Variants in SH3GL3 observed in about 807,000 individuals in gnomAD.
The protein encoded by SH3GL3 is endophilin-A3.
Under a neutral mutation model 47.7 loss-of-function variants are expected in SH3GL3, and 33 were observed. That is an observed-to-expected ratio of 0.69 (90% CI 0.52 to 0.92). SH3GL3 has a LOEUF of 0.92. Ranked by LOEUF, SH3GL3 falls within the 40% of genes least tolerant of loss-of-function variation. The pLI is 0.00. For synonymous variants in SH3GL3, 155 were observed against 148.8 expected, an observed-to-expected ratio of 1.04 and a Z score of -0.30; for missense variants, 363 against 417.8, an observed-to-expected ratio of 0.87 and a Z score of 1.14.
intron 1 of SH3GL3, among the ~76,000 whole-genome samples, chr15:83,496,045 G>C (rs772883417): frequency 6.6e-6 from 1 of 151,924 alleles, no homozygotes; most frequent in Non-Finnish European, 1.5e-5. Flanking sequence ...CATTTGCCTT[G>C]AATTAAATTT....
the SH3GL3 span, among the ~76,000 whole-genome samples, chr15:83,628,357 A>T: frequency 6.6e-6 from 1 of 152,270 alleles, no homozygotes; most frequent in East Asian, 1.9e-4. Context: ...GGGAAAAAGG[A>T]CTATATATAA....
intron 1 of SH3GL3, among the ~76,000 whole-genome samples, chr15:83,459,669 T>C (rs998445725): frequency 6.6e-6 from 1 of 152,250 alleles, no homozygotes; most frequent in Non-Finnish European, 1.5e-5. Context: ...TTTCATGTTA[T>C]ACAGTTTCTG....
At chr15:83,620,563 T>A (rs1391928281), downstream of SH3GL3, among the ~76,000 whole-genome samples, 1 of 152,232 alleles carries the variant, frequency 6.6e-6, no homozygotes, top group East Asian at 1.9e-4. Context: ...GTGAAAGGAA[T>A]CTTTTTCTCT....
At chr15:83,516,417 A>C (rs2042982098) in intron 1 of SH3GL3, among the ~76,000 whole-genome samples, 1 of 152,302 alleles carries the variant, frequency 6.6e-6, no homozygotes, top group Non-Finnish European at 1.5e-5. Flanking sequence ...TAGGTGTATT[A>C]GGCCATTCTT....
intron 2 of SH3GL3, among the ~76,000 whole-genome samples, chr15:83,562,326 C>CT (rs1035558510): frequency 1.3e-5 from 2 of 151,998 alleles, no homozygotes; most frequent in African/African-American, 4.8e-5. Context: ...GTTTCTTGGG[C>CT]TTTTTTGTTT....
chr15:83,521,592 A>G (rs1197022475), intron 1 of SH3GL3, among the ~76,000 whole-genome samples: 1 of 152,214 alleles, frequency 6.6e-6, no homozygotes, highest in Non-Finnish European at 1.5e-5. Context: ...CCACTGTCAC[A>G]ACATAACCAG....
downstream of SH3GL3, among the ~76,000 whole-genome samples, chr15:83,620,635 C>G (rs932456561): frequency 6.6e-6 from 1 of 152,218 alleles, no homozygotes; most frequent in African/African-American, 2.4e-5. Flanking sequence ...AACAGACATA[C>G]TGTCATCCAG....
At chr15:83,530,777 A>G (rs140332289) in intron 1 of SH3GL3, among the ~76,000 whole-genome samples, 10 of 152,206 alleles carry the variant, frequency 6.6e-5, no homozygotes, top group African/African-American at 2.4e-4. Context: ...TCTTCAGTTA[A>G]TCATCATGAT....
At chr15:83,550,198 G>T (rs2044592705) in intron 1 of SH3GL3, among the ~76,000 whole-genome samples, 1 of 152,090 alleles carries the variant, frequency 6.6e-6, no homozygotes, top group African/African-American at 2.4e-5. Context: ...ACTGCCAACT[G>T]GTTGAAAGGA....
chr15:83,555,590 G>A (rs1227048565), intron 1 of SH3GL3, among the ~76,000 whole-genome samples: 1 of 152,136 alleles, frequency 6.6e-6, no homozygotes, highest in Non-Finnish European at 1.5e-5. Context: ...GCTGGAGGGG[G>A]TGGGGATGTG....
chr15:83,630,244 T>C, the SH3GL3 span, among the ~76,000 whole-genome samples: 1 of 152,342 alleles, frequency 6.6e-6, no homozygotes, highest in Non-Finnish European at 1.5e-5. Flanking sequence ...TTTATTAGCA[T>C]GTGAGAATGG....
the SH3GL3 span, among the ~76,000 whole-genome samples, chr15:83,632,861 C>T: frequency 1.3e-5 from 2 of 152,058 alleles, no homozygotes; most frequent in African/African-American, 4.8e-5. Flanking sequence ...ACAGAATTCT[C>T]ATAATAAGCA....
intron 3 of SH3GL3, among the ~76,000 whole-genome samples, chr15:83,567,274 G>C (rs2045594618): frequency 6.6e-6 from 1 of 151,932 alleles, no homozygotes; most frequent in Non-Finnish European, 1.5e-5. Context: ...TACTTTTTAG[G>C]GCATCTTTCC....
intron 8 of SH3GL3, among the ~76,000 whole-genome samples, chr15:83,597,487 T>TAC (rs1307992198): frequency 6.6e-6 from 1 of 152,198 alleles, no homozygotes; most frequent in African/African-American, 2.4e-5. Context: ...CCTACCATGA[T>TAC]AGTGTTCAAA....
intron 2 of SH3GL3, among the ~76,000 whole-genome samples, chr15:83,562,482 AT>A (rs1227850079): frequency 2.3e-4 from 35 of 152,312 alleles, no homozygotes; most frequent in Non-Finnish European, 4.6e-4. Context: ...TCTAAGTTAT[AT>A]TTTAATTAAT....
intron 6 of SH3GL3, among the ~76,000 whole-genome samples, chr15:83,577,829 C>T (rs538366019): frequency 1.3e-5 from 2 of 152,142 alleles, no homozygotes; most frequent in African/African-American, 4.8e-5. Flanking sequence ...AATGAAAAGT[C>T]GAGGTCATGT....
At chr15:83,479,137 G>A (rs1305109119) in intron 1 of SH3GL3, among the ~76,000 whole-genome samples, 5 of 152,164 alleles carry the variant, frequency 3.3e-5, no homozygotes, top group South Asian at 2.1e-4. Context: ...GGCCAGGTGC[G>A]TATTTTCAGC....
intron 1 of SH3GL3, among the ~76,000 whole-genome samples, chr15:83,525,780 C>G (rs1461095109): frequency 1.3e-5 from 2 of 152,112 alleles, no homozygotes; most frequent in African/African-American, 4.8e-5. Context: ...AAGAGGGTGT[C>G]CTTTCCCCAA....
chr15:83,524,341 A>G (rs1450309709), intron 1 of SH3GL3, among the ~76,000 whole-genome samples: 1 of 152,240 alleles, frequency 6.6e-6, no homozygotes, highest in Non-Finnish European at 1.5e-5. Flanking sequence ...AAATGGATCC[A>G]TGCCTTTCAC....
Sources: gnomAD v4.1 joint callset for allele counts (sites outside exome capture counted in the v4.1 genomes callset) on GRCh38, gnomAD v4.1.1 for gene constraint, MANE v1.5 for transcripts, NCBI Gene and HGNC (gene_info 2026-07-23, HGNC 2026-07-21) for gene names.